ITPR2: variants seen among roughly 807,000 people sequenced by gnomAD.
ITPR2 encodes inositol 1,4,5-trisphosphate receptor type 2, also known as inositol 1,4,5-trisphosphate-gated calcium channel ITPR2.
A neutral mutation model predicts 317.1 loss-of-function variants in ITPR2; 207 were observed. That is an observed-to-expected ratio of 0.65 (90% CI 0.58 to 0.73). The LOEUF (loss-of-function observed/expected upper bound fraction) is 0.73. ITPR2 is among the 30% of genes least tolerant of loss of function. The pLI, the probability that ITPR2 is intolerant of heterozygous loss-of-function variation, is 0.00. For missense variants in ITPR2, 2,613 were observed against 3,284.0 expected (o/e 0.80, Z 4.99); for synonymous variants, 1,156 against 1,149.1 (o/e 1.01, Z -0.12).
Position 26,495,218 on chromosome 12 carries a change from C to T in ITPR2, c.5116G>A (p.Gly1706Ser). Residue 1706 changes from glycine to serine, a missense_variant, in exon 38 of 57, where the codon GGT becomes AGT. By Grantham distance (56) the Gly-to-Ser change is moderately conservative. Coordinates refer to ENST00000381340, the MANE Select transcript of ITPR2 (RefSeq NM_002223.4). ...CCATTCACACCAATACTATAATCAC[C>T]TTTAAAGTATCGATTCAGAAGTATC... ...RKILLNRYFK[G>S]DYSIGVNGHL... The T allele has an allele frequency of 6.2e-7, 1 of 1,607,628 alleles. No individual in the cohort carries two copies. The highest frequency in any genetic ancestry group is 8.5e-7 in the Non-Finnish European group (1 of 1,174,182).
chr12:26,544,971 T>G (rs982753359), intron 37 of ITPR2, among the ~76,000 whole-genome samples: 1 of 152,194 alleles, frequency 6.6e-6, no homozygotes, highest in African/African-American at 2.4e-5. Context: ...TAGCAAAATA[T>G]TCTAAAATAT....
chr12:26,753,659 T>C (rs941909654), intron 2 of ITPR2, among the ~76,000 whole-genome samples: 7 of 152,224 alleles, frequency 4.6e-5, no homozygotes, highest in African/African-American at 1.7e-4. Context: ...TTTTGATTCA[T>C]GGGAAAAAGG....
chr12:26,411,740 GATGCCAGGAACAT>G lies in ITPR2; in HGVS notation c.7307-341_7307-329del, dbSNP rs1940557994. ...AAACTCATTCAGGGTTCTGACTTGG[GATGCCAGGAACAT>G]ATTCCCCTCAGTGCAGTTGGCAGTC... On this transcript the variant is annotated intron_variant, in intron 51 of 56. Transcript: ENST00000381340. 2.0e-5 allele frequency among the ~76,000 whole-genome samples: 3 copies of G among 152,230 alleles called. No individual in the cohort carries two copies. In the South Asian group the frequency reaches 6.2e-4, roughly 32 times the overall value.
At chr12:26,641,235 T>C (rs546799879) in intron 21 of ITPR2, among the ~76,000 whole-genome samples, 4 of 151,172 alleles carry the variant, frequency 2.6e-5, no homozygotes, top group South Asian at 2.1e-4. Flanking sequence ...TGATTCTTTG[T>C]TTAAAAAAAA....
chr12:26,793,011 A>G (rs898005875), intron 1 of ITPR2, among the ~76,000 whole-genome samples: 8 of 152,222 alleles, frequency 5.3e-5, no homozygotes, highest in African/African-American at 1.9e-4. Flanking sequence ...ACTTACAGAA[A>G]TGCAACCTAC....
chr12:26,695,551 T>C (rs780350048), intron 10 of ITPR2, 55 bp downstream of exon 10: 18 of 1,423,046 alleles, frequency 1.3e-5, no homozygotes, highest in Admixed American at 1.7e-5. Flanking sequence ...AATCTATCCA[T>C]ATAAAATAAT....
At chr12:26,627,291 C>T (rs1043622010) in intron 23 of ITPR2, 2 of 152,168 alleles carry the variant, frequency 1.3e-5, no homozygotes, top group African/African-American at 4.8e-5. Flanking sequence ...GCTCTTTGAT[C>T]CAGGCAGAAA....
At chr12:26,431,209 A>C (rs1353704373) in intron 48 of ITPR2, among the ~76,000 whole-genome samples, 2 of 152,216 alleles carry the variant, frequency 1.3e-5, no homozygotes, top group African/African-American at 2.4e-5. Flanking sequence ...TGATGGAAAA[A>C]AAGAATTACA....
intron 54 of ITPR2, among the ~76,000 whole-genome samples, chr12:26,388,066 G>T (rs1939716317): frequency 6.6e-6 from 1 of 152,164 alleles, no homozygotes; most frequent in Non-Finnish European, 1.5e-5. Context: ...ATCAGTGAAA[G>T]GAACACAAAG....
intron 55 of ITPR2, among the ~76,000 whole-genome samples, chr12:26,346,749 G>A (rs796315001): frequency 9.9e-5 from 15 of 152,164 alleles, no homozygotes; most frequent in African/African-American, 3.6e-4. Flanking sequence ...AGGACACCCC[G>A]GTTCTTGTTT....
At chr12:26,676,760 A>G (rs1320251035) in intron 13 of ITPR2, among the ~76,000 whole-genome samples, 1 of 149,754 alleles carries the variant, frequency 6.7e-6, no homozygotes, top group East Asian at 1.9e-4. Flanking sequence ...TAAGATTAAA[A>G]AAATAAAATA....
At chr12:26,675,896 G>A (rs769526567) in intron 13 of ITPR2, among the ~76,000 whole-genome samples, 1 of 152,178 alleles carries the variant, frequency 6.6e-6, no homozygotes, top group Non-Finnish European at 1.5e-5. Context: ...AGTGGCTCAC[G>A]CCTGTAATCC....
At chr12:26,505,454 C>A (rs944598415) in intron 37 of ITPR2, among the ~76,000 whole-genome samples, 1 of 152,172 alleles carries the variant, frequency 6.6e-6, no homozygotes, top group East Asian at 1.9e-4. Context: ...TTTCTGTCCC[C>A]CGACCCTGAG....
intron 45 of ITPR2, among the ~76,000 whole-genome samples, chr12:26,460,072 C>T (rs757851259): frequency 1.5e-4 from 23 of 152,202 alleles, no homozygotes; most frequent in Non-Finnish European, 2.6e-4. Context: ...CAATCAGCTA[C>T]AGATGAAGTG....
intron 2 of ITPR2, among the ~76,000 whole-genome samples, chr12:26,739,150 G>A (rs1592085511): frequency 6.6e-6 from 1 of 152,314 alleles, no homozygotes; most frequent in South Asian, 2.1e-4. Context: ...TAAAAAGAAT[G>A]ACAATGTCAT....
intron 45 of ITPR2, among the ~76,000 whole-genome samples, chr12:26,455,800 T>C (rs1045303143): frequency 6.6e-6 from 1 of 152,170 alleles, no homozygotes; most frequent in Non-Finnish European, 1.5e-5. Context: ...CATAAACATA[T>C]AGGTATATGA....
intron 55 of ITPR2, among the ~76,000 whole-genome samples, chr12:26,375,896 C>G (rs894971787): frequency 6.6e-6 from 1 of 152,110 alleles, no homozygotes; most frequent in Non-Finnish European, 1.5e-5. Flanking sequence ...CTCAGGAGCT[C>G]GAGACCAGCC....
At chr12:26,362,448 C>G (rs982239437) in intron 55 of ITPR2, among the ~76,000 whole-genome samples, 1 of 152,202 alleles carries the variant, frequency 6.6e-6, no homozygotes, top group African/African-American at 2.4e-5. Flanking sequence ...TAGTGCCTAG[C>G]CCACAAGCCC....
chr12:26,505,858 G>A (rs925401206), intron 37 of ITPR2, among the ~76,000 whole-genome samples: 16 of 152,046 alleles, frequency 1.1e-4, no homozygotes, highest in African/African-American at 3.9e-4. Flanking sequence ...ACCTATTCAA[G>A]GATGGCTGAT....
Sources: gnomAD v4.1 joint callset for allele counts (sites outside exome capture counted in the v4.1 genomes callset) on GRCh38, gnomAD v4.1.1 for gene constraint, MANE v1.5 for transcripts, NCBI Gene and HGNC (gene_info 2026-07-23, HGNC 2026-07-21) for gene names.